The following CPT1A variants were observed in gnomAD, a reference collection of about 807,000 sequenced individuals.
CPT1A encodes carnitine palmitoyltransferase 1A.
Under a neutral mutation model 100.8 loss-of-function variants are expected in CPT1A, and 64 were observed. The observed-to-expected ratio is 0.63, with a 90% CI of 0.52 to 0.78. CPT1A has a LOEUF of 0.78. CPT1A is among the 30% of genes least tolerant of loss of function. CPT1A has a pLI of 0.00. For missense variants in CPT1A, 802 were observed against 1,034.1 expected (o/e 0.78, Z 3.08); for synonymous variants, 363 against 396.0 (o/e 0.92, Z 0.99).
intron 1 of CPT1A, among the ~76,000 whole-genome samples, chr11:68,833,844 G>C (rs1856943540): frequency 6.6e-6 from 1 of 152,148 alleles, no homozygotes; most frequent in African/African-American, 2.4e-5. Context: ...TACAAGAAAG[G>C]TGAAGGATTT....
At position 68,784,906 on chromosome 11, in the gene CPT1A, C is replaced by T. The variant is rs1360511181; in HGVS notation, c.1072G>A (p.Glu358Lys). 3 of 1,614,102 alleles carry T rather than the reference C, an allele frequency of 1.9e-6. No individual in the cohort carries two copies. The part of the protein sequence containing the change: ...YHDGRLLKPR[E>K]MEQQMQRILD... Reference sequence around the variant, plus strand: ...ATCCTCTGCATCTGCTGCTCCATCTCCCGGGGCTTCAGCAGCCGCCCATCA... The same window carrying T: ...ATCCTCTGCATCTGCTGCTCCATCTTCCGGGGCTTCAGCAGCCGCCCATCA... Residue 358 changes from glutamate to lysine, a missense_variant, in exon 10 of 19, where the codon GAG becomes AAG. Transcript: ENST00000265641.
At chr11:68,802,625 T>C (rs1310145796) in intron 5 of CPT1A, among the ~76,000 whole-genome samples, 1 of 151,626 alleles carries the variant, frequency 6.6e-6, no homozygotes, top group Non-Finnish European at 1.5e-5. Flanking sequence ...TCTTAGCTAC[T>C]CAGGAGGCTG....
Position 68,816,359 on chromosome 11 carries a change from C to T in CPT1A, c.-13-872G>A, listed in dbSNP as rs139371368. Among the ~76,000 whole-genome samples the T allele has an allele frequency of 1.1e-3, 170 of 152,306 alleles. 2 individuals carry two copies. The highest frequency in any genetic ancestry group is 7.1e-3 in the East Asian group (37 of 5,180). ...CAAGAATGGGTGTCCACAGACGGAG[C>T]GGGCCTTCTTCCTTGGAGGCAGCGG... On this transcript the variant is annotated intron_variant, in intron 1 of 18. Transcript: ENST00000265641.
chr11:68,761,287 T>C (rs1946804861), intron 16 of CPT1A, among the ~76,000 whole-genome samples: 1 of 150,514 alleles, frequency 6.6e-6, no homozygotes. Context: ...CCGTGCGTCT[T>C]ACTGTGACGT....
In CPT1A at chr11:68,780,662, G is replaced by A. The variant is rs80356779; in HGVS notation, c.1436C>T (p.Pro479Leu). The A allele has an allele frequency of 3.0e-5, 49 of 1,614,156 alleles. 3 individuals are homozygous for A. Among genetic ancestry groups the A allele is most frequent in the Admixed American group, 1.5e-4 (9 of 60,018 alleles). Residue 479 changes from proline to leucine, a missense_variant, in exon 12 of 19, where the codon CCG (proline) becomes CTG (leucine). Physicochemically the swap from Pro to Leu is moderately conservative, Grantham distance 98 (BLOSUM62 -3). Transcript: ENST00000265641. ...LNAEHSWADAPIVAHLWEYVM... is the reference protein window; with the variant it reads ...LNAEHSWADALIVAHLWEYVM... ...CACCTCCCAAAGGTGGGCCACGATC[G>A]GCGCATCTGCCCAGGAGTGTTCAGC...
intron 13 of CPT1A, 136 bp downstream of exon 13, chr11:68,775,180 A>C (rs1294401079): frequency 1.3e-6 from 1 of 743,336 alleles, no homozygotes; most frequent in East Asian, 2.5e-5. Flanking sequence ...CTCCCTGAGC[A>C]AACAACTTTC....
intron 14 of CPT1A, among the ~76,000 whole-genome samples, chr11:68,769,031 C>T (rs149009560): frequency 3.9e-5 from 6 of 152,272 alleles, no homozygotes; most frequent in East Asian, 1.9e-4. Context: ...ACTCATTGAC[C>T]GTATTTTTCC....
chr11:68,773,648 T>C (rs768587349), intron 13 of CPT1A: 30 of 672,148 alleles, frequency 4.5e-5, no homozygotes, highest in Non-Finnish European at 7.0e-5. Flanking sequence ...GGGTCTGACA[T>C]GAGCAGGCCA....
chr11:68,759,073 C>A (rs1008302382), intron 18 of CPT1A, among the ~76,000 whole-genome samples: 1 of 151,928 alleles, frequency 6.6e-6, no homozygotes, highest in African/African-American at 2.4e-5. Context: ...TGTGGGGAGA[C>A]CCTGTCTGTA....
intron 14 of CPT1A, among the ~76,000 whole-genome samples, chr11:68,771,685 T>C (rs567715401): frequency 6.6e-6 from 1 of 152,324 alleles, no homozygotes; most frequent in Admixed American, 6.5e-5. Context: ...TTAAATACGA[T>C]TTTGGCCCAT....
intron 12 of CPT1A, among the ~76,000 whole-genome samples, chr11:68,778,021 C>T (rs780346456): frequency 3.9e-5 from 6 of 152,076 alleles, no homozygotes; most frequent in Non-Finnish European, 7.3e-5. Context: ...TTAATATTGG[C>T]TGCTTTTTAT....
At chr11:68,765,607 G>C (rs1431668968) in intron 14 of CPT1A, among the ~76,000 whole-genome samples, 1 of 152,210 alleles carries the variant, frequency 6.6e-6, no homozygotes, top group Non-Finnish European at 1.5e-5. Context: ...GGCTTCCAAA[G>C]CAGGAGGCAA....
Position 68,841,850 on chromosome 11 carries a change from G to A in CPT1A, c.-89C>T, listed in dbSNP as rs1034559452. The A allele has an allele frequency of 1.1e-4, 109 of 994,528 alleles. No homozygotes were observed. Among genetic ancestry groups the A allele is most frequent in the Non-Finnish European group, 1.2e-4 (103 of 838,096 alleles). The allele number at this position is 994,528 out of a possible 1,614,324, so 61.6% of individuals were successfully genotyped here. ...GGCGGCGGTGGAGTGAACGAGCGGCGAGCGGGAGCCGGGGAAGGAGGGCCG... is the reference window on the plus strand; with the variant it reads ...GGCGGCGGTGGAGTGAACGAGCGGCAAGCGGGAGCCGGGGAAGGAGGGCCG... On this transcript the variant is annotated 5_prime_UTR_variant, in exon 1 of 19. Transcript: ENST00000265641. The surrounding 1 kb of genome is among the most constrained non-coding windows in gnomAD (Gnocchi z 6.3).
intron 1 of CPT1A, chr11:68,839,506 G>A (rs889946793): frequency 2.0e-6 from 2 of 985,224 alleles, no homozygotes; most frequent in African/African-American, 1.7e-5. Flanking sequence ...GAGTTGGCGC[G>A]CGTCCCTGTG....
chr11:68,830,242 C>A (rs1179471613), intron 1 of CPT1A, among the ~76,000 whole-genome samples: 1 of 152,098 alleles, frequency 6.6e-6, no homozygotes, highest in East Asian at 1.9e-4. Context: ...TGTGCCACTG[C>A]ACTCCAGCCT....
chr11:68,766,826 GAA>G (rs11306055), intron 14 of CPT1A, among the ~76,000 whole-genome samples: 130 of 138,346 alleles, frequency 9.4e-4, no homozygotes, highest in Admixed American at 9.3e-4. Flanking sequence ...TATCAAGGAG[GAA>G]AAAAAAAAAA....
At chr11:68,799,455 GA>G in intron 5 of CPT1A, 100 bp from the exon 6 acceptor site, 1 of 1,370,042 alleles carries the variant, frequency 7.3e-7, no homozygotes, top group Non-Finnish European at 1.0e-6. Context: ...CTAACACATT[GA>G]AAAGGTTTTA....
In CPT1A at chr11:68,779,671, C is replaced by T. The variant is rs905205073; in HGVS notation, c.1458+969G>A. Among the ~76,000 whole-genome samples the T allele has an allele frequency of 4.0e-5, 6 of 151,662 alleles. No homozygotes were observed. The East Asian group carries it at 1.2e-3, about 30-fold the overall frequency. On this transcript the variant is annotated intron_variant, in intron 12 of 18. Transcript: ENST00000265641. ...ATTAGCTGGGCATGGTGGCACACACCTGTAGTCCCAGCTACTTGGGAGGCT... is the reference window on the plus strand; with the variant it reads ...ATTAGCTGGGCATGGTGGCACACACTTGTAGTCCCAGCTACTTGGGAGGCT...
rs60624953 is a variant in CPT1A, at chr11:68,803,843, AG to A, written c.555+156del. Among the ~76,000 whole-genome samples the A allele has an allele frequency of 0.034, 4,274 of 126,382 alleles. 216 individuals are homozygous for A. The highest frequency in any genetic ancestry group is 0.17 in the African/African-American group (3,948 of 22,668). 82.9% of individuals were successfully genotyped at this position (126,382 alleles called of 152,430 possible). ...CTAAGATGCAGCAGTGATGCATTGG[AG>A]AAAAAAAAAAAAAAGAGTTCCTATG... On this transcript the variant is annotated intron_variant, in intron 5 of 18. Transcript: ENST00000265641.
Sources: allele counts gnomAD v4.1 joint callset (sites outside exome capture counted in the v4.1 genomes callset), GRCh38; gene constraint gnomAD v4.1.1; non-coding constraint Gnocchi (gnomAD v3.1); transcripts MANE v1.5; gene names NCBI Gene and HGNC (gene_info 2026-07-23, HGNC 2026-07-21).